Variants in CSMD1 observed in about 807,000 individuals in gnomAD.
CSMD1 encodes CUB and sushi domain-containing protein 1.
CSMD1 carries 213 observed loss-of-function variants against 417.5 expected under a neutral mutation model. That is an observed-to-expected ratio of 0.51 (90% confidence interval 0.46 to 0.57). The LOEUF (loss-of-function observed/expected upper bound fraction) is 0.57. Ranked by LOEUF, CSMD1 falls within the 20% of genes least tolerant of loss-of-function variation. The pLI is 0.00. For missense variants in CSMD1, 6,923 were observed against 4,529.7 expected (o/e 1.53, Z -15.17); for synonymous variants, 2,862 against 1,736.8 (o/e 1.65, Z -16.11).
intron 52 of CSMD1, among the ~76,000 whole-genome samples, chr8:3,010,260 C>G (rs116753038): frequency 1.9e-3 from 288 of 152,324 alleles, no homozygotes; most frequent in African/African-American, 6.5e-3. Flanking sequence ...GACTCCTACT[C>G]TTCTACTGTG....
intron 49 of CSMD1, among the ~76,000 whole-genome samples, chr8:3,075,983 G>T (rs142026031): frequency 2.6e-5 from 4 of 151,124 alleles, no homozygotes; most frequent in Non-Finnish European, 5.9e-5. Context: ...CCTGGGAGGC[G>T]CAGCTTGCAG....
Position 2,937,291 on chromosome 8 carries a change from T to A in CSMD1, c.*1294A>T, listed in dbSNP as rs1429959318. 1 of 152,134 alleles carries A rather than the reference T, an allele frequency of 6.6e-6. No homozygotes were observed. Among genetic ancestry groups the A allele is most frequent in the Non-Finnish European group, 1.5e-5 (1 of 68,024 alleles). 9.4% of individuals were successfully genotyped at this position (152,134 alleles called of 1,614,324 possible). The stretch of plus-strand genomic sequence containing the variant: ...CAAATGAATGTATAAAATATATCAT[T>A]GTGAGAGGAGAGTGTGTGTACTTTT... On this transcript the variant is annotated 3_prime_UTR_variant, in exon 70 of 70. Coordinates refer to ENST00000635120, the MANE Select transcript of CSMD1 (RefSeq NM_033225.6).
intron 1 of CSMD1, among the ~76,000 whole-genome samples, chr8:4,879,966 C>T (rs981555803): frequency 6.6e-6 from 1 of 152,016 alleles, no homozygotes; most frequent in Non-Finnish European, 1.5e-5. Context: ...AGGTTCATTC[C>T]CTTTGTTGTA....
chr8:4,601,857 A>T (rs1480877223), intron 2 of CSMD1, among the ~76,000 whole-genome samples: 1 of 152,170 alleles, frequency 6.6e-6, no homozygotes, highest in African/African-American at 2.4e-5. Context: ...CTGGGTTCTG[A>T]GTCAGAAGCA....
chr8:3,778,310 C>T (rs1000610746), intron 5 of CSMD1, among the ~76,000 whole-genome samples: 1 of 152,220 alleles, frequency 6.6e-6, no homozygotes, highest in Non-Finnish European at 1.5e-5. Context: ...TATCTTTCTC[C>T]TGTTACATTT....
chr8:3,973,579 AAAG>A (rs1216221122), intron 5 of CSMD1, among the ~76,000 whole-genome samples: 5 of 152,230 alleles, frequency 3.3e-5, no homozygotes, highest in African/African-American at 9.6e-5. Flanking sequence ...GAATTTTAAA[AAAG>A]AAGGAAAAAA....
At chr8:3,865,859 T>C (rs979374959) in intron 5 of CSMD1, among the ~76,000 whole-genome samples, 1 of 152,290 alleles carries the variant, frequency 6.6e-6, no homozygotes, top group Non-Finnish European at 1.5e-5. Context: ...GAAACACGTG[T>C]TATAGTATAC....
intron 9 of CSMD1, among the ~76,000 whole-genome samples, chr8:3,577,230 G>A (rs1429021714): frequency 1.5e-5 from 2 of 129,842 alleles, no homozygotes; most frequent in African/African-American, 5.4e-5. Flanking sequence ...CTCATGAAAT[G>A]CATCTCATGC....
rs763708911 is a variant in CSMD1, at chr8:3,179,143, CA to C, written c.5725+1966del. On this transcript the variant is annotated intron_variant, in intron 37 of 69. Transcript: ENST00000635120. ...TGTATTTTTAGTAGATACGGGGTTT[CA>C]ACGTGTTAGCCAGGACTGTCTCGAT... Among the ~76,000 whole-genome samples, 276 of 151,152 alleles carry C rather than the reference CA, an allele frequency of 1.8e-3. 1 individual carries two copies. The highest frequency in any genetic ancestry group is 7.6e-3 in the South Asian group (36 of 4,712).
intron 2 of CSMD1, among the ~76,000 whole-genome samples, chr8:4,501,182 A>C (rs1390794154): frequency 1.3e-5 from 2 of 152,134 alleles, no homozygotes; most frequent in Admixed American, 6.6e-5. Flanking sequence ...ATATATATGT[A>C]TGTGTATATA....
intron 4 of CSMD1, among the ~76,000 whole-genome samples, chr8:4,025,252 C>T (rs578008604): frequency 1.3e-5 from 2 of 152,184 alleles, no homozygotes; most frequent in African/African-American, 2.4e-5. Context: ...CAAATATTTA[C>T]CTGCTTCCTT....
intron 2 of CSMD1, among the ~76,000 whole-genome samples, chr8:4,600,080 G>A (rs1045691920): frequency 5.9e-5 from 9 of 152,178 alleles, no homozygotes; most frequent in African/African-American, 2.2e-4. Context: ...TTATACTGTG[G>A]AGTTAGGACT....
intron 1 of CSMD1, among the ~76,000 whole-genome samples, chr8:4,657,985 T>C (rs1804351725): frequency 9.4e-6 from 1 of 106,928 alleles, no homozygotes; most frequent in Admixed American, 1.2e-4. Flanking sequence ...TTAAAGCAGG[T>C]AGAAGAAAGA....
At chr8:4,351,153 TAA>T (rs578051309) in intron 3 of CSMD1, among the ~76,000 whole-genome samples, 1 of 141,656 alleles carries the variant, frequency 7.1e-6, no homozygotes, top group African/African-American at 2.6e-5. Flanking sequence ...GTCCCATCTC[TAA>T]AAAAAAAAAA....
chr8:3,430,104 C>T (rs889122828), intron 12 of CSMD1, among the ~76,000 whole-genome samples: 1 of 152,040 alleles, frequency 6.6e-6, no homozygotes, highest in Non-Finnish European at 1.5e-5. Context: ...TACACACATG[C>T]ACATATACAT....
At chr8:4,052,386 G>A (rs1431106136) in intron 3 of CSMD1, among the ~76,000 whole-genome samples, 9 of 152,104 alleles carry the variant, frequency 5.9e-5, no homozygotes, top group Non-Finnish European at 1.3e-4. Context: ...TAATATAATT[G>A]GCAAAGACCT....
chr8:3,775,376 C>T (rs1439704865), intron 5 of CSMD1, among the ~76,000 whole-genome samples: 2 of 152,116 alleles, frequency 1.3e-5, no homozygotes, highest in Non-Finnish European at 2.9e-5. Flanking sequence ...CACAGCATAG[C>T]AGGTAACAGG....
intron 23 of CSMD1, among the ~76,000 whole-genome samples, chr8:3,325,519 T>A (rs1806467766): frequency 6.6e-6 from 1 of 152,174 alleles, no homozygotes; most frequent in African/African-American, 2.4e-5. Flanking sequence ...TAGTTCCACT[T>A]GATGAAAGTA....
intron 5 of CSMD1, among the ~76,000 whole-genome samples, chr8:3,963,007 G>A (rs950566323): frequency 6.6e-6 from 1 of 152,040 alleles, no homozygotes; most frequent in Non-Finnish European, 1.5e-5. Flanking sequence ...AGCAATCTCG[G>A]CTCACTGCAA....
Sources: allele counts gnomAD v4.1 joint callset (sites outside exome capture counted in the v4.1 genomes callset), GRCh38; gene constraint gnomAD v4.1.1; transcripts MANE v1.5; gene names NCBI Gene and HGNC (gene_info 2026-07-23, HGNC 2026-07-21).